Variants in KIF11 observed in about 807,000 individuals in gnomAD.
KIF11 encodes kinesin family member 11.
KIF11 carries 9 observed loss-of-function variants against 121.0 expected under a neutral mutation model. That is an observed-to-expected ratio of 0.07 (90% confidence interval 0.04 to 0.13). The LOEUF is 0.13. Among genes scored for constraint, KIF11 ranks in the 10% least tolerant of loss-of-function variants. KIF11 has a pLI of 1.00. For synonymous variants in KIF11, 408 were observed against 421.0 expected (o/e 0.97, Z 0.38); for missense variants, 846 against 1,217.5 (o/e 0.69, Z 4.54).
intron 6 of KIF11, among the ~76,000 whole-genome samples, chr10:92,611,645 T>TC (rs1407246513): frequency 3.3e-5 from 5 of 152,170 alleles, no homozygotes; most frequent in Admixed American, 3.3e-4. Flanking sequence ...ACGCTTGTAA[T>TC]CCCAGCACTT....
intron 1 of KIF11, among the ~76,000 whole-genome samples, chr10:92,601,035 T>G (rs1258780716): frequency 6.6e-6 from 1 of 151,938 alleles, no homozygotes; most frequent in African/African-American, 2.4e-5. Context: ...AATTTTTGTA[T>G]TTTTAGTAGA....
rs1237999229 is a variant in KIF11 at position 92,654,978 on chromosome 10, TTTG to T, written c.*1189_*1191del. 6.5e-6 allele frequency: 1 copy of T among 152,688 alleles called. No individual in the cohort carries two copies. Among genetic ancestry groups the T allele is most frequent in the Non-Finnish European group, 1.5e-5 (1 of 68,050 alleles). 9.5% of individuals were successfully genotyped at this position (152,688 alleles called of 1,614,324 possible). A position where few individuals can be genotyped will look rare whatever the true frequency, so the allele number is the denominator to read the frequency against. ...TTCTTTTGTTTACATGATGAAACTT[TTTG>T]TTGTTGCTTGTTTGTATATAATACA... On this transcript the variant is annotated 3_prime_UTR_variant, in exon 22 of 22. Transcript: ENST00000260731.
chr10:92,646,641 TC>T (rs1414068845), intron 18 of KIF11, among the ~76,000 whole-genome samples: 2 of 152,066 alleles, frequency 1.3e-5, no homozygotes, highest in African/African-American at 4.8e-5. Context: ...GTAGCCAACC[TC>T]CCCATCTTCA....
intron 8 of KIF11, among the ~76,000 whole-genome samples, chr10:92,615,842 GT>G (rs71481176): frequency 0.47 from 60,223 of 129,422 alleles, 12,213 homozygotes; most frequent in East Asian, 0.73. Flanking sequence ...GGATTTTTTT[GT>G]TTTTTTTTTT....
intron 1 of KIF11, among the ~76,000 whole-genome samples, chr10:92,606,012 T>G (rs1366275290): frequency 6.6e-6 from 1 of 152,230 alleles, no homozygotes; most frequent in Non-Finnish European, 1.5e-5. Flanking sequence ...TATTCGTATC[T>G]GCTCTAAGAA....
rs373206978 is a variant in KIF11, at chr10:92,650,569, T to C, written c.3039+52T>C. ...CATCTGATGTAAGTCATTCATTTACTATTCATTATAAAGGTATTGTTCGTG... is the reference window on the plus strand; with the variant it reads ...CATCTGATGTAAGTCATTCATTTACCATTCATTATAAAGGTATTGTTCGTG... On this transcript the variant is annotated intron_variant, in intron 21 of 21. Coordinates refer to ENST00000260731, the MANE Select transcript of KIF11 (RefSeq NM_004523.4). The C allele has an allele frequency of 7.1e-6, 7 of 989,578 alleles. No homozygotes were observed. In the African/African-American group the frequency reaches 1.1e-4, roughly 16 times the overall value. The allele number at this position is 989,578 out of a possible 1,614,324, so 61.3% of individuals were successfully genotyped here. A position where few individuals can be genotyped will look rare whatever the true frequency, so the allele number is the denominator to read the frequency against.
intron 21 of KIF11, among the ~76,000 whole-genome samples, chr10:92,651,818 G>T (rs930456907): frequency 6.6e-6 from 1 of 151,904 alleles, no homozygotes; most frequent in Non-Finnish European, 1.5e-5. Context: ...TCCAAGTGAG[G>T]CTCTATAAAG....
intron 1 of KIF11, among the ~76,000 whole-genome samples, chr10:92,599,250 C>T (rs1844338216): frequency 6.6e-6 from 1 of 151,868 alleles, no homozygotes; most frequent in South Asian, 2.1e-4. Context: ...GACGCAGTGG[C>T]TCTCACCTGT....
chr10:92,637,573 A>G (rs1481939724), intron 16 of KIF11, 28 bp downstream of exon 16: 1 of 1,577,598 alleles, frequency 6.3e-7, no homozygotes, highest in East Asian at 2.3e-5. Flanking sequence ...CTTGGGGAGT[A>G]CAGAAAGAGA....
At chr10:92,652,371 C>T (rs1160974801) in intron 21 of KIF11, among the ~76,000 whole-genome samples, 2 of 152,000 alleles carry the variant, frequency 1.3e-5, no homozygotes, top group African/African-American at 4.8e-5. Context: ...AACTCCCGAC[C>T]TCAGGTGATC....
In KIF11 at chr10:92,609,508, A is replaced by C; in HGVS notation, c.697A>C (p.Ser233Arg). ...TAATLMNAYS[S>R]RSHSVFSVTI... Reference sequence around the variant, plus strand: ...AGCTACTCTGATGAATGCATACTCTAGGTAAGAAAGCCATAGTCTCTTCCC... The same window carrying C: ...AGCTACTCTGATGAATGCATACTCTCGGTAAGAAAGCCATAGTCTCTTCCC... Residue 233 changes from serine to arginine, a missense_variant and splice_region_variant, in exon 6 of 22, where the codon AGT becomes CGT. Ser to Arg is a moderately radical substitution (Grantham distance 110, BLOSUM62 -1). Transcript: ENST00000260731. The C allele has an allele frequency of 6.2e-7, 1 of 1,606,526 alleles. No homozygotes were observed. Among genetic ancestry groups the C allele is most frequent in the Non-Finnish European group, 8.5e-7 (1 of 1,177,882 alleles).
At chr10:92,609,666 T>C (rs1481248981) in intron 6 of KIF11, among the ~76,000 whole-genome samples, 157 bp downstream of exon 6, 8 of 152,094 alleles carry the variant, frequency 5.3e-5, no homozygotes, top group Non-Finnish European at 1.5e-5. Context: ...GAGATTTATA[T>C]GGAAGGAACC....
chr10:92,652,420 G>C (rs986334507), intron 21 of KIF11, among the ~76,000 whole-genome samples: 2 of 152,072 alleles, frequency 1.3e-5, no homozygotes, highest in Admixed American at 1.3e-4. Flanking sequence ...GATTACAAGC[G>C]TGAGCCACCG....
intron 18 of KIF11, 91 bp from the exon 19 acceptor site, chr10:92,648,121 A>AAAAAAAAAAAAAAAAAAAAAAG (rs1844941006): frequency 1.1e-6 from 1 of 945,220 alleles, no homozygotes; most frequent in South Asian, 1.8e-5. Flanking sequence ...AAAAAAAAAA[A>AAAAAAAAAAAAAAAAAAAAAAG]ATTATGGAAA....
At chr10:92,648,976 T>C (rs1329318102) in intron 19 of KIF11, among the ~76,000 whole-genome samples, 1 of 152,186 alleles carries the variant, frequency 6.6e-6, no homozygotes, top group Non-Finnish European at 1.5e-5. Context: ...GGAAGAGATG[T>C]AACAAGCTGT....
rs560747509 is a variant in KIF11 at position 92,619,524 on chromosome 10, G to A, written c.1129-1861G>A. On this transcript the variant is annotated intron_variant, in intron 9 of 21. Coordinates refer to ENST00000260731, the MANE Select transcript of KIF11 (RefSeq NM_004523.4). ...GGGATAATTGCCCAAGAGTGCAATT[G>A]CTGGGTTGTATAATAATTGAATGTT... Among the ~76,000 whole-genome samples the A allele has an allele frequency of 5.6e-4, 85 of 152,220 alleles. 1 individual carries two copies. Among genetic ancestry groups the A allele is most frequent in the African/African-American group, 2.0e-3 (83 of 41,530 alleles).
chr10:92,622,318 GATAA>G (rs1844627566), intron 10 of KIF11, among the ~76,000 whole-genome samples: 1 of 150,072 alleles, frequency 6.7e-6, no homozygotes, highest in Admixed American at 6.7e-5. Flanking sequence ...AAATAGGCGC[GATAA>G]ATAAAAAATA....
chr10:92,650,206 T>C, intron 20 of KIF11, among the ~76,000 whole-genome samples, 195 bp from the exon 21 acceptor site: 1 of 152,374 alleles, frequency 6.6e-6, no homozygotes, highest in Non-Finnish European at 1.5e-5. Flanking sequence ...AGTAACATTG[T>C]TATATAGGAA....
chr10:92,650,442 A>G lies in KIF11; in HGVS notation c.2964A>G (p.Glu988=). Residue 988 remains glutamate (E), a synonymous_variant, in exon 21 of 22, where the codon GAA becomes GAG. Coordinates refer to ENST00000260731, the MANE Select transcript of KIF11 (RefSeq NM_004523.4). ...AGGCAGTTCTGGGGCAGTATACTGA[A>G]GAACCTCTAAGTCAAGAGCCATCTG... The part of the protein sequence containing the change: ...VEEAVLGQYT[E]EPLSQEPSVD... The G allele has an allele frequency of 6.2e-7, 1 of 1,613,638 alleles. No homozygotes were observed. The highest frequency in any genetic ancestry group is 8.5e-7 in the Non-Finnish European group (1 of 1,179,540).
Sources: gnomAD v4.1 joint callset for allele counts (sites outside exome capture counted in the v4.1 genomes callset) on GRCh38, gnomAD v4.1.1 for gene constraint, MANE v1.5 for transcripts, NCBI Gene and HGNC (gene_info 2026-07-23, HGNC 2026-07-21) for gene names.